The following CSMD1 variants were observed in gnomAD, a reference collection of about 807,000 sequenced individuals.
CSMD1 encodes CUB and sushi domain-containing protein 1.
CSMD1 carries 213 observed loss-of-function variants against 417.5 expected under a neutral mutation model. The observed-to-expected ratio is 0.51, with a 90% CI of 0.46 to 0.57. CSMD1 has a LOEUF of 0.57. Among genes scored for constraint, CSMD1 ranks in the 20% least tolerant of loss-of-function variants. The pLI is 0.00. For missense variants in CSMD1, 6,923 were observed against 4,529.7 expected (o/e 1.53, Z -15.17); for synonymous variants, 2,862 against 1,736.8 (o/e 1.65, Z -16.11).
chr8:2,964,836 T>C (rs1289580639), intron 59 of CSMD1, among the ~76,000 whole-genome samples: 1 of 152,188 alleles, frequency 6.6e-6, no homozygotes, highest in African/African-American at 2.4e-5. Context: ...GCCATATTTT[T>C]GAGCATTCAG....
chr8:3,940,702 T>C (rs886317641), intron 5 of CSMD1, among the ~76,000 whole-genome samples: 1 of 152,052 alleles, frequency 6.6e-6, no homozygotes, highest in Admixed American at 6.6e-5. Flanking sequence ...TTGCTTTTTA[T>C]AATACAAATT....
At chr8:4,724,020 C>T (rs908834364) in intron 1 of CSMD1, among the ~76,000 whole-genome samples, 2 of 151,980 alleles carry the variant, frequency 1.3e-5, no homozygotes, top group Non-Finnish European at 2.9e-5. Context: ...CTGTCATGAC[C>T]ATTAAATATC....
chr8:3,736,797 G>T (rs758058760), intron 6 of CSMD1, among the ~76,000 whole-genome samples: 1 of 152,232 alleles, frequency 6.6e-6, no homozygotes, highest in African/African-American at 2.4e-5. Flanking sequence ...CAAAGTGGGA[G>T]TGGCATAAAT....
chr8:3,999,588 G>C (rs1468454204), intron 4 of CSMD1, among the ~76,000 whole-genome samples: 1 of 152,202 alleles, frequency 6.6e-6, no homozygotes, highest in Non-Finnish European at 1.5e-5. Context: ...CAGGGGCATA[G>C]GGGTAGTTGA....
At chr8:4,448,349 TAACTC>T (rs1443219931) in intron 2 of CSMD1, among the ~76,000 whole-genome samples, 1 of 152,236 alleles carries the variant, frequency 6.6e-6, no homozygotes, top group Non-Finnish European at 1.5e-5. Flanking sequence ...CCTTCTGCAC[TAACTC>T]AATTAACAGG....
intron 3 of CSMD1, among the ~76,000 whole-genome samples, chr8:4,392,647 G>T (rs963812249): frequency 5.4e-5 from 8 of 147,156 alleles, no homozygotes; most frequent in African/African-American, 1.7e-4. Context: ...GGGGGGGAGG[G>T]TTATTATTAT....
At chr8:3,882,222 G>T (rs1244617578) in intron 5 of CSMD1, among the ~76,000 whole-genome samples, 1 of 150,972 alleles carries the variant, frequency 6.6e-6, no homozygotes, top group Non-Finnish European at 1.5e-5. Flanking sequence ...CCATAAAGTG[G>T]AAAAAAAAGT....
At position 2,974,565 on chromosome 8, in the gene CSMD1, T is replaced by C. The variant is rs1804758053; in HGVS notation, c.8626A>G (p.Thr2876Ala). 6.2e-7 allele frequency: 1 copy of C among 1,612,984 alleles called. No homozygotes were observed. Among genetic ancestry groups the C allele is most frequent in the East Asian group, 2.2e-5 (1 of 44,792 alleles). Reference sequence around the variant, plus strand: ...GAGTAGTGCACGACGGCGCCATAGGTAAACAGCTCTCCAGTGAGGACGGCG... The same window carrying C: ...GAGTAGTGCACGACGGCGCCATAGGCAAACAGCTCTCCAGTGAGGACGGCG... ...ANAVLTGELF[T>A]YGAVVHYSCR... Residue 2876 changes from threonine (T) to alanine (A), a missense_variant, in exon 56 of 70, where the codon ACC (threonine) becomes GCC (alanine). Physicochemically the swap from Thr to Ala is moderately conservative, Grantham distance 58 (BLOSUM62 0). Coordinates refer to ENST00000635120, the MANE Select transcript of CSMD1 (RefSeq NM_033225.6).
At chr8:4,770,500 T>C (rs1346608426) in intron 1 of CSMD1, among the ~76,000 whole-genome samples, 10 of 151,606 alleles carry the variant, frequency 6.6e-5, no homozygotes, top group Non-Finnish European at 1.5e-4. Context: ...AGACCTCAAA[T>C]AGCCAAAGCA....
chr8:3,091,121 A>T (rs1814914251), intron 48 of CSMD1, among the ~76,000 whole-genome samples: 1 of 152,056 alleles, frequency 6.6e-6, no homozygotes, highest in South Asian at 2.1e-4. Flanking sequence ...TAGATACAAA[A>T]ACATAACTAT....
Position 4,323,261 on chromosome 8 carries a change from C to T in CSMD1, c.415+96692G>A, listed in dbSNP as rs79318790. Among the ~76,000 whole-genome samples the T allele has an allele frequency of 9.2e-3, 1,406 of 152,232 alleles. 96 individuals carry two copies. In the East Asian group the frequency reaches 0.18, roughly 20 times the overall value. ...TTATGTATAAGCAATTTTGCTTAAA[C>T]GGAAGTTCTGTAGCAGGTTCAACAG... On this transcript the variant is annotated intron_variant, in intron 3 of 69. Coordinates refer to ENST00000635120, the MANE Select transcript of CSMD1 (RefSeq NM_033225.6).
At chr8:3,405,785 C>A (rs943674634) in intron 15 of CSMD1, among the ~76,000 whole-genome samples, 1 of 152,140 alleles carries the variant, frequency 6.6e-6, no homozygotes, top group Admixed American at 6.5e-5. Flanking sequence ...AGCTGGAGGA[C>A]CAGCCTGAGG....
At chr8:4,796,187 C>T (rs1043643310) in intron 1 of CSMD1, among the ~76,000 whole-genome samples, 1 of 151,766 alleles carries the variant, frequency 6.6e-6, no homozygotes, top group African/African-American at 2.4e-5. Context: ...GAAGAAAATG[C>T]AGGAAGACCA....
At chr8:4,279,873 G>A (rs540177089) in intron 3 of CSMD1, among the ~76,000 whole-genome samples, 2 of 152,248 alleles carry the variant, frequency 1.3e-5, no homozygotes, top group Admixed American at 6.5e-5. Flanking sequence ...TGAATCTGAA[G>A]CAGATGCCAA....
At chr8:4,480,116 T>A (rs1801013361) in intron 2 of CSMD1, among the ~76,000 whole-genome samples, 2 of 151,858 alleles carry the variant, frequency 1.3e-5, no homozygotes, top group South Asian at 4.2e-4. Context: ...AGGAACTTTG[T>A]TCTGTGCTGT....
intron 1 of CSMD1, among the ~76,000 whole-genome samples, chr8:4,777,333 G>C (rs932241311): frequency 3.3e-5 from 5 of 152,192 alleles, no homozygotes; most frequent in Non-Finnish European, 7.3e-5. Flanking sequence ...TAGTAAATGA[G>C]AGAGTGCCTT....
intron 3 of CSMD1, among the ~76,000 whole-genome samples, chr8:4,303,838 G>A (rs373173114): frequency 7.9e-5 from 12 of 152,088 alleles, no homozygotes; most frequent in Middle Eastern, 3.4e-3. Context: ...GTAGTTTTTA[G>A]TAGAGACAGG....
chr8:4,282,113 A>C (rs1796817651), intron 3 of CSMD1, among the ~76,000 whole-genome samples: 1 of 152,216 alleles, frequency 6.6e-6, no homozygotes, highest in Non-Finnish European at 1.5e-5. Context: ...GAGTATTTTT[A>C]ATTATGTAAA....
intron 25 of CSMD1, among the ~76,000 whole-genome samples, chr8:3,294,722 C>G (rs1803835489): frequency 1.3e-5 from 2 of 152,154 alleles, no homozygotes; most frequent in African/African-American, 4.8e-5. Flanking sequence ...TGCCATCTGT[C>G]ACCCCTTTCT....
Sources: allele counts gnomAD v4.1 joint callset (sites outside exome capture counted in the v4.1 genomes callset), GRCh38; gene constraint gnomAD v4.1.1; transcripts MANE v1.5; gene names NCBI Gene and HGNC (gene_info 2026-07-23, HGNC 2026-07-21).